Variants in ADAMTS20 observed in about 807,000 individuals in gnomAD.
ADAMTS20 encodes the protein A disintegrin and metalloproteinase with thrombospondin motifs 20.
In ADAMTS20, 225 loss-of-function variants were observed where a neutral mutation model predicts 260.1. That is an observed-to-expected ratio of 0.87 (90% CI 0.78 to 0.97). The LOEUF is 0.97. ADAMTS20 is among the 50% of genes least tolerant of loss of function. The probability of loss-of-function intolerance (pLI) is 0.00; values close to 1 mark genes in which losing one functional copy is unlikely to be tolerated. For missense variants in ADAMTS20, 2,400 were observed against 2,337.7 expected, an observed-to-expected ratio of 1.03 and a Z score of -0.55; for synonymous variants, 802 against 769.5, an observed-to-expected ratio of 1.04 and a Z score of -0.70.
rs1232718311 is a variant in ADAMTS20 at position 43,493,266 on chromosome 12, A to T, written c.868-13T>A. On this transcript the variant is annotated splice_polypyrimidine_tract_variant and intron_variant, in intron 4 of 38. Transcript: ENST00000389420. ...AGATTGTTGCAACCTGCATGTAAAA[A>T]AAATGTAGGATTAGTTGTTTAAAAT... 1.3e-6 allele frequency: 2 copies of T among 1,509,144 alleles called. No homozygotes were observed. The highest frequency in any genetic ancestry group is 4.1e-5 in the Admixed American group (2 of 48,206). The allele number at this position is 1,509,144 out of a possible 1,614,324, so 93.5% of individuals were successfully genotyped here.
Position 43,416,524 on chromosome 12 carries a change from C to CTTT in ADAMTS20, c.4284+8987_4284+8989dup, listed in dbSNP as rs59341765. Among the ~76,000 whole-genome samples the CTTT allele has an allele frequency of 5.2e-3, 680 of 130,672 alleles. 21 individuals are homozygous for CTTT. The highest frequency in any genetic ancestry group is 0.021 in the East Asian group (91 of 4,250). The allele number at this position is 130,672 out of a possible 152,430, so 85.7% of individuals were successfully genotyped here. A position where few individuals can be genotyped will look rare whatever the true frequency, so the allele number is the denominator to read the frequency against. On this transcript the variant is annotated intron_variant, in intron 28 of 38. Transcript: ENST00000389420. ...GTCATTACAAACAAGTCAAACTGAC[C>CTTT]TTTTTTTTTTTTTTTTTGAGACGGA...
chr12:43,499,232 ACCAGATGACT>A (rs1280825009), intron 4 of ADAMTS20, among the ~76,000 whole-genome samples: 1 of 152,142 alleles, frequency 6.6e-6, no homozygotes, highest in Non-Finnish European at 1.5e-5. Flanking sequence ...CTTAACACAA[ACCAGATGACT>A]GCGTCTATAA....
At chr12:43,366,986 T>C (rs1940000443) in intron 37 of ADAMTS20, among the ~76,000 whole-genome samples, 1 of 151,980 alleles carries the variant, frequency 6.6e-6, no homozygotes, top group Non-Finnish European at 1.5e-5. Flanking sequence ...TAGGGAGACA[T>C]AACTACCAAA....
intron 11 of ADAMTS20, among the ~76,000 whole-genome samples, chr12:43,455,843 G>A (rs1317683795): frequency 2.6e-4 from 39 of 151,798 alleles, no homozygotes; most frequent in Admixed American, 2.6e-3. Flanking sequence ...TGAGTAGCTG[G>A]GACTACAGGC....
rs1403789372 is a variant in ADAMTS20, at chr12:43,354,233, A to G, written c.5709T>C (p.Thr1903=). The change falls in exon 39 of 39, where the codon ACT becomes ACC. Residue 1903 remains threonine (T), a synonymous_variant. Transcript: ENST00000389420. ...TTCATATGACTTGAATTGGGAGACC[A>G]GTAGTCATGTGAGGAAGACACTTTC... The part of the protein sequence containing the change: ...YCGKCLPHMT[T]GLPIQVI 1 of 1,592,392 alleles carries G rather than the reference A, an allele frequency of 6.3e-7. No individual in the cohort carries two copies. Among genetic ancestry groups the G allele is most frequent in the Admixed American group, 1.7e-5 (1 of 57,426 alleles).
chr12:43,370,876 G>C (rs929614194), intron 36 of ADAMTS20, among the ~76,000 whole-genome samples: 1 of 151,932 alleles, frequency 6.6e-6, no homozygotes, highest in African/African-American at 2.4e-5. Context: ...TCTCAAATAG[G>C]TATCCTAACC....
At chr12:43,477,949 T>C (rs2063377) in intron 7 of ADAMTS20, among the ~76,000 whole-genome samples, 50,045 of 151,924 alleles carry the variant, frequency 0.33, 8,860 homozygotes, top group East Asian at 0.75. Context: ...CTTTTTGAGC[T>C]AGCAATTTTT....
chr12:43,398,112 G>A (rs1347079614), intron 29 of ADAMTS20, among the ~76,000 whole-genome samples: 1 of 152,164 alleles, frequency 6.6e-6, no homozygotes, highest in Non-Finnish European at 1.5e-5. Flanking sequence ...TGCAGGACTA[G>A]GCCCTTTAAG....
chr12:43,454,259 T>C (rs1941924913), intron 11 of ADAMTS20, among the ~76,000 whole-genome samples: 1 of 152,210 alleles, frequency 6.6e-6, no homozygotes, highest in Non-Finnish European at 1.5e-5. Context: ...GTAATATTTC[T>C]TCTGGCTTTA....
At chr12:43,423,968 C>CT (rs777753117) in intron 28 of ADAMTS20, 1 of 688,366 alleles carries the variant, frequency 1.5e-6, no homozygotes, top group South Asian at 1.5e-5. Context: ...ATCAGTCACA[C>CT]TTTGACTATA....
intron 7 of ADAMTS20, among the ~76,000 whole-genome samples, chr12:43,489,098 T>C (rs1942564582): frequency 6.6e-6 from 1 of 151,992 alleles, no homozygotes. Flanking sequence ...ACTAAATGTC[T>C]ACCTAATATG....
chr12:43,368,821 T>C (rs1242293601), intron 37 of ADAMTS20, among the ~76,000 whole-genome samples: 2 of 152,072 alleles, frequency 1.3e-5, no homozygotes, highest in Non-Finnish European at 1.5e-5. Flanking sequence ...AAGAGAACTC[T>C]AGAAATAAAG....
Position 43,430,396 on chromosome 12 carries a change from C to CT in ADAMTS20, c.3336dup (p.Glu1113ArgfsTer7). On this transcript the variant is annotated frameshift_variant, in exon 23 of 39. Coordinates refer to ENST00000389420, the MANE Select transcript of ADAMTS20 (RefSeq NM_025003.5). LOFTEE classifies it high-confidence loss of function. Reference sequence around the variant, plus strand: ...CTAGCTTCATGGCATTCTGTGTCCTCTAACACTGCACTAGCTAGCTCATTG... The same window carrying CT: ...CTAGCTTCATGGCATTCTGTGTCCTCTTAACACTGCACTAGCTAGCTCATTG... 1 of 1,613,088 alleles carries CT rather than the reference C, an allele frequency of 6.2e-7. No individual in the cohort carries two copies. The highest frequency in any genetic ancestry group is 8.5e-7 in the Non-Finnish European group (1 of 1,179,372).
intron 31 of ADAMTS20, among the ~76,000 whole-genome samples, chr12:43,382,679 A>G (rs1170714277): frequency 2.6e-5 from 4 of 152,156 alleles, no homozygotes; most frequent in African/African-American, 9.6e-5. Flanking sequence ...AAAAAAATTC[A>G]AGAAAAAAAT....
At chr12:43,480,597 T>G (rs1451954012) in intron 7 of ADAMTS20, among the ~76,000 whole-genome samples, 1 of 152,198 alleles carries the variant, frequency 6.6e-6, no homozygotes, top group Non-Finnish European at 1.5e-5. Flanking sequence ...ATGTGGTATA[T>G]ATACATAATG....
intron 3 of ADAMTS20, among the ~76,000 whole-genome samples, chr12:43,522,154 T>C (rs1207928247): frequency 6.6e-6 from 1 of 152,082 alleles, no homozygotes; most frequent in Non-Finnish European, 1.5e-5. Flanking sequence ...TCAGGAAACT[T>C]ACAATCATGG....
intron 36 of ADAMTS20, among the ~76,000 whole-genome samples, chr12:43,374,684 TA>T (rs1940182574): frequency 6.6e-6 from 1 of 152,182 alleles, no homozygotes; most frequent in Non-Finnish European, 1.5e-5. Context: ...TCAAATGAGA[TA>T]ATGTATGGGA....
intron 28 of ADAMTS20, among the ~76,000 whole-genome samples, chr12:43,414,605 G>A (rs66672567): frequency 0.11 from 17,094 of 152,014 alleles, 1,322 homozygotes; most frequent in African/African-American, 0.22. Flanking sequence ...TTAGCCATCA[G>A]AGAAATGCAA....
chr12:43,531,301 T>C (rs1943217111), intron 3 of ADAMTS20, among the ~76,000 whole-genome samples: 2 of 152,064 alleles, frequency 1.3e-5, no homozygotes, highest in Admixed American at 1.3e-4. Flanking sequence ...TACTGTTACT[T>C]AGGTTCAGGA....
Sources: gnomAD v4.1 joint callset for allele counts (sites outside exome capture counted in the v4.1 genomes callset) on GRCh38, gnomAD v4.1.1 for gene constraint, MANE v1.5 for transcripts, NCBI Gene and HGNC (gene_info 2026-07-23, HGNC 2026-07-21) for gene names.